Variants in PDE9A observed in about 807,000 individuals in gnomAD.
PDE9A encodes phosphodiesterase 9A.
PDE9A carries 60 observed loss-of-function variants against 87.4 expected under a neutral mutation model. The observed-to-expected ratio is 0.69, with a 90% CI of 0.56 to 0.85. PDE9A has a LOEUF of 0.85. Ranked by LOEUF, PDE9A falls within the 40% of genes least tolerant of loss-of-function variation. The pLI is 0.00. For synonymous variants in PDE9A, 272 were observed against 279.4 expected (o/e 0.97, Z 0.27); for missense variants, 665 against 779.0 (o/e 0.85, Z 1.74).
intron 7 of PDE9A, among the ~76,000 whole-genome samples, chr21:42,737,978 G>C (rs1375461590): frequency 1.3e-5 from 2 of 152,146 alleles, no homozygotes; most frequent in Non-Finnish European, 2.9e-5. Flanking sequence ...CGAGAGATCT[G>C]GGATTTCCCT....
intron 3 of PDE9A, chr21:42,689,999 C>T (rs901161405): frequency 1.2e-5 from 12 of 985,178 alleles, no homozygotes; most frequent in Admixed American, 6.2e-5. Context: ...TGGAGACACA[C>T]GCGGATGAGG....
chr21:42,769,557 GGCAC>G (rs1427433528), intron 17 of PDE9A, among the ~76,000 whole-genome samples: 3 of 78,606 alleles, frequency 3.8e-5, no homozygotes, highest in African/African-American at 2.0e-4. Flanking sequence ...TGCACACACA[GGCAC>G]ACACACACAC....
Position 42,735,569 on chromosome 21 carries a change from C to T in PDE9A, c.568+2143C>T, listed in dbSNP as rs144170839. On this transcript the variant is annotated intron_variant, in intron 7 of 19. Coordinates refer to ENST00000291539, the MANE Select transcript of PDE9A (RefSeq NM_002606.3). ...CTAGAACCTTGTGGTTCCCAGCAATCCTTACCGTTCCTGAGCTTGGAAGGC... is the reference window on the plus strand; with the variant it reads ...CTAGAACCTTGTGGTTCCCAGCAATTCTTACCGTTCCTGAGCTTGGAAGGC... Among the ~76,000 whole-genome samples the T allele has an allele frequency of 5.4e-3, 818 of 152,292 alleles. 3 individuals carry two copies. Among genetic ancestry groups the T allele is most frequent in the Middle Eastern group, 0.01 (3 of 294 alleles).
At chr21:42,769,685 CACACACAT>C (rs1369594477) in intron 17 of PDE9A, among the ~76,000 whole-genome samples, 4 of 46,046 alleles carry the variant, frequency 8.7e-5, no homozygotes, top group Non-Finnish European at 1.6e-4. Context: ...CACACACAGG[CACACACAT>C]ACACACATGC....
chr21:42,664,121 A>G (rs2041708348), intron 1 of PDE9A, among the ~76,000 whole-genome samples: 1 of 152,238 alleles, frequency 6.6e-6, no homozygotes, highest in African/African-American at 2.4e-5. Context: ...TCGGAGTGCC[A>G]GGCTTGGCTT....
rs2050745421 is a variant in PDE9A at position 42,723,624 on chromosome 21, T to A, written c.263-8146T>A. Among the ~76,000 whole-genome samples the A allele has an allele frequency of 6.6e-6, 1 of 152,152 alleles. No homozygotes were observed. Among genetic ancestry groups the A allele is most frequent in the Admixed American group, 6.5e-5 (1 of 15,276 alleles). ...CAGACTCGGGGGCACTTTTAGATATTCTATTGGTTGTTCTTGGGGGACAGC... is the reference window on the plus strand; with the variant it reads ...CAGACTCGGGGGCACTTTTAGATATACTATTGGTTGTTCTTGGGGGACAGC... On this transcript the variant is annotated intron_variant, in intron 4 of 19. Transcript: ENST00000291539. The surrounding 1 kb of genome is among the most constrained non-coding windows in gnomAD (Gnocchi z 4.3).
chr21:42,757,687 C>A (rs1050941479), intron 10 of PDE9A: 1 of 152,008 alleles, frequency 6.6e-6, no homozygotes, highest in African/African-American at 2.4e-5. Flanking sequence ...CTTGCTGGGA[C>A]CTCGGTCCCT....
intron 1 of PDE9A, among the ~76,000 whole-genome samples, chr21:42,676,052 C>T (rs922245951): frequency 1.3e-5 from 2 of 152,140 alleles, no homozygotes; most frequent in African/African-American, 2.4e-5. Context: ...CTCTCCCTCA[C>T]GGGTGTGCAC....
intron 3 of PDE9A, 134 bp from the exon 4 acceptor site, chr21:42,698,834 T>G: frequency 1.8e-6 from 1 of 544,682 alleles, no homozygotes; most frequent in Non-Finnish European, 3.3e-6. Flanking sequence ...AGAAGCTAAT[T>G]TAAAAAATAA....
In PDE9A at chr21:42,659,813, G is replaced by A. The variant is rs2057350802; in HGVS notation, c.69+5930G>A. 1.3e-5 allele frequency among the ~76,000 whole-genome samples: 2 copies of A among 152,228 alleles called. No homozygotes were observed. Among genetic ancestry groups the A allele is most frequent in the African/African-American group, 4.8e-5 (2 of 41,468 alleles). On this transcript the variant is annotated intron_variant, in intron 1 of 19. Coordinates refer to ENST00000291539, the MANE Select transcript of PDE9A (RefSeq NM_002606.3). The surrounding 1 kb of genome is among the most constrained non-coding windows in gnomAD (Gnocchi z 4.1). ...CTCTCCGGAGCTCAGTGTGGGTGGAGGGGCTGTCTGGCCTCAGAAATGGGC... is the reference window on the plus strand; with the variant it reads ...CTCTCCGGAGCTCAGTGTGGGTGGAAGGGCTGTCTGGCCTCAGAAATGGGC...
At position 42,675,574 on chromosome 21, in the gene PDE9A, G is replaced by T. The variant is rs928324221; in HGVS notation, c.70-10618G>T. Among the ~76,000 whole-genome samples, 9 of 152,214 alleles carry T rather than the reference G, an allele frequency of 5.9e-5. No homozygotes were observed. Among genetic ancestry groups the T allele is most frequent in the Non-Finnish European group, 1.0e-4 (7 of 68,038 alleles). ...CACAAATACCGCCAACCTGCTTTCC[G>T]ACAGCGCTGTGTGGATACACGGGCC... On this transcript the variant is annotated intron_variant, in intron 1 of 19. Coordinates refer to ENST00000291539, the MANE Select transcript of PDE9A (RefSeq NM_002606.3). This position sits in a 1 kb window ranked among gnomAD's most constrained non-coding sequence, Gnocchi z 4.3.
chr21:42,654,316 G>A (rs2145737558), intron 1 of PDE9A, among the ~76,000 whole-genome samples: 1 of 152,208 alleles, frequency 6.6e-6, no homozygotes, highest in Admixed American at 6.5e-5. Flanking sequence ...CCCCGCAGGT[G>A]AGTAGCTCCG....
intron 4 of PDE9A, among the ~76,000 whole-genome samples, chr21:42,715,535 T>C (rs554233697): frequency 6.6e-6 from 1 of 151,744 alleles, no homozygotes; most frequent in East Asian, 1.9e-4. Flanking sequence ...GGGAATCGCT[T>C]GAATCCGGAA....
intron 1 of PDE9A, among the ~76,000 whole-genome samples, chr21:42,666,227 C>T (rs191469864): frequency 1.3e-4 from 20 of 152,128 alleles, no homozygotes; most frequent in Admixed American, 1.1e-3. Context: ...CTATCAGCTC[C>T]AGAAGGCCCT....
chr21:42,729,625 G>A (rs2051513528), intron 4 of PDE9A, among the ~76,000 whole-genome samples: 1 of 152,106 alleles, frequency 6.6e-6, no homozygotes, highest in African/African-American at 2.4e-5. Context: ...CTCTTCAAAT[G>A]AAAGCCCATA....
intron 4 of PDE9A, among the ~76,000 whole-genome samples, chr21:42,718,932 G>A (rs542588326): frequency 4.6e-5 from 7 of 151,842 alleles, no homozygotes; most frequent in East Asian, 1.9e-4. Context: ...AGTCAGTTCC[G>A]TTACTCACTG....
At chr21:42,673,568 C>A (rs921585233) in intron 1 of PDE9A, among the ~76,000 whole-genome samples, 1 of 152,144 alleles carries the variant, frequency 6.6e-6, no homozygotes, top group African/African-American at 2.4e-5. Flanking sequence ...AACAGTTGGG[C>A]AAATCATAAT....
chr21:42,695,879 G>A lies in PDE9A; in HGVS notation c.219-3089G>A, dbSNP rs922645421. ...GACTCATTCATGGGAGCAACATAAC[G>A]GGTTGTGAGAAGCCAAAGGATTAAG... On this transcript the variant is annotated intron_variant, in intron 3 of 19. Transcript: ENST00000291539. This position sits in a 1 kb window ranked among gnomAD's most constrained non-coding sequence, Gnocchi z 4.3. Among the ~76,000 whole-genome samples the A allele has an allele frequency of 1.1e-4, 16 of 152,170 alleles. No homozygotes were observed. The highest frequency in any genetic ancestry group is 2.2e-4 in the Non-Finnish European group (15 of 68,034).
rs115906387 is a variant in PDE9A, at chr21:42,672,470, T to G, written c.70-13722T>G. ...GGTTGTGGTTGTGGCATGGGCATCA[T>G]TAGTCACACAACATAAAACCACAGA... On this transcript the variant is annotated intron_variant, in intron 1 of 19. Transcript: ENST00000291539. Among the ~76,000 whole-genome samples, 691 of 152,334 alleles carry G rather than the reference T, an allele frequency of 4.5e-3. 3 individuals carry two copies. Among genetic ancestry groups the G allele is most frequent in the African/African-American group, 0.016 (653 of 41,586 alleles).
Sources: allele counts gnomAD v4.1 joint callset (sites outside exome capture counted in the v4.1 genomes callset), GRCh38; gene constraint gnomAD v4.1.1; non-coding constraint Gnocchi (gnomAD v3.1); transcripts MANE v1.5; gene names NCBI Gene and HGNC (gene_info 2026-07-23, HGNC 2026-07-21).